CAST: variants seen among roughly 807,000 people sequenced by gnomAD.
CAST encodes MIR583 host.
CAST carries 76 observed loss-of-function variants against 119.6 expected under a neutral mutation model. The ratio of observed to expected loss-of-function variants is 0.64; its 90% confidence interval spans 0.53 to 0.77. The LOEUF (loss-of-function observed/expected upper bound fraction) is 0.77. Among genes scored for constraint, CAST ranks in the 30% least tolerant of loss-of-function variants. The pLI is 0.00. For synonymous variants in CAST, 319 were observed against 331.6 expected, an observed-to-expected ratio of 0.96 and a Z score of 0.41; for missense variants, 953 against 946.5, an observed-to-expected ratio of 1.01 and a Z score of -0.09.
rs1358882322 is a variant in CAST, at chr5:96,773,047, T to A, written c.*431T>A. On this transcript the variant is annotated 3_prime_UTR_variant, in exon 32 of 32. Transcript: ENST00000675179. ...TGTTAGTGTTTAGAAAACAATGTTT[T>A]AAACATTCTTCAGTGTTCTGATTTC... The A allele has an allele frequency of 6.5e-6, 1 of 153,906 alleles. No homozygotes were observed. Among genetic ancestry groups the A allele is most frequent in the Non-Finnish European group, 1.5e-5 (1 of 68,024 alleles). The allele number at this position is 153,906 out of a possible 1,614,324, so 9.5% of individuals were successfully genotyped here. A position where few individuals can be genotyped will look rare whatever the true frequency, so the allele number is the denominator to read the frequency against.
chr5:95,978,500 T>A, the CAST span, among the ~76,000 whole-genome samples: 84 of 152,344 alleles, frequency 5.5e-4, no homozygotes, highest in African/African-American at 2.0e-3. Context: ...GTGGTTGTTT[T>A]TTTTTCTTGT....
the CAST span, among the ~76,000 whole-genome samples, chr5:95,983,801 A>T: frequency 1.3e-5 from 2 of 152,106 alleles, no homozygotes; most frequent in Non-Finnish European, 2.9e-5. Flanking sequence ...AAGGGGGAAC[A>T]TTTTCTTTTC....
the CAST span, among the ~76,000 whole-genome samples, chr5:96,405,805 C>A: frequency 6.6e-6 from 1 of 152,214 alleles, no homozygotes; most frequent in Non-Finnish European, 1.5e-5. Flanking sequence ...ATTGGCATTA[C>A]TTCTGTTCAG....
intron 16 of CAST, among the ~76,000 whole-genome samples, chr5:96,744,258 A>G (rs1458364073): frequency 6.6e-6 from 1 of 152,226 alleles, no homozygotes; most frequent in Non-Finnish European, 1.5e-5. Flanking sequence ...TAATAAAGAC[A>G]TACCAGAGAC....
At position 96,741,549 on chromosome 5, in the gene CAST, C is replaced by T; in HGVS notation, c.1067C>T (p.Pro356Leu). The T allele has an allele frequency of 6.2e-7, 1 of 1,613,436 alleles. No homozygotes were observed. The highest frequency in any genetic ancestry group is 1.1e-5 in the South Asian group (1 of 91,032). The change falls in exon 15 of 32, where the codon CCA becomes CTA. Residue 356 changes from proline to leucine, a missense_variant. Coordinates refer to ENST00000675179, the MANE Select transcript of CAST (RefSeq NM_001750.7). ...GCAGGGACAGTCAGAAGTGCTGCTC[C>T]ACCCCAAGAGAAGAAAAGAAAGGTG... Reference protein sequence around the residue: ...QSAGTVRSAAPPQEKKRKVEK... With the variant: ...QSAGTVRSAALPQEKKRKVEK...
the CAST span, among the ~76,000 whole-genome samples, chr5:95,977,519 T>C: frequency 8.5e-5 from 13 of 152,250 alleles, no homozygotes; most frequent in African/African-American, 2.7e-4. Flanking sequence ...TGGAAAATAC[T>C]ATGGGAAAAC....
At chr5:96,467,340 C>G in the CAST span, among the ~76,000 whole-genome samples, 4 of 152,020 alleles carry the variant, frequency 2.6e-5, no homozygotes, top group South Asian at 8.3e-4. Context: ...TTGTTGCTAT[C>G]AAGTTTTTTT....
the CAST span, among the ~76,000 whole-genome samples, chr5:96,375,703 G>A: frequency 2.0e-5 from 3 of 151,468 alleles, no homozygotes; most frequent in African/African-American, 7.3e-5. Context: ...TGTATAATGT[G>A]GGTTGGCCTT....
the CAST span, among the ~76,000 whole-genome samples, chr5:96,109,515 C>G: frequency 6.6e-6 from 1 of 152,110 alleles, no homozygotes; most frequent in Non-Finnish European, 1.5e-5. Context: ...TTTACAAATG[C>G]TTTTTGGCAG....
chr5:96,185,944 A>G, the CAST span, among the ~76,000 whole-genome samples: 1 of 152,156 alleles, frequency 6.6e-6, no homozygotes, highest in South Asian at 2.1e-4. Context: ...TTGAAGCAGT[A>G]TGGCCATTTT....
intron 1 of CAST, among the ~76,000 whole-genome samples, chr5:96,583,226 T>C (rs1272151940): frequency 6.6e-6 from 1 of 152,070 alleles, no homozygotes; most frequent in East Asian, 1.9e-4. Flanking sequence ...TTTTTTTTTT[T>C]TTACTGTATT....
chr5:96,321,966 T>C, the CAST span, among the ~76,000 whole-genome samples: 47 of 152,232 alleles, frequency 3.1e-4, no homozygotes, highest in Admixed American at 2.8e-3. Context: ...TATTCACTGA[T>C]TACCTATCTG....
the CAST span, among the ~76,000 whole-genome samples, chr5:96,304,446 T>G: frequency 6.6e-6 from 1 of 152,248 alleles, no homozygotes; most frequent in Non-Finnish European, 1.5e-5. Context: ...AGAAGCTCTT[T>G]AGTTTAATTA....
At chr5:96,349,305 G>A in the CAST span, among the ~76,000 whole-genome samples, 2 of 151,798 alleles carry the variant, frequency 1.3e-5, no homozygotes, top group Middle Eastern at 3.4e-3. Flanking sequence ...ATATATTCAT[G>A]TTTGGGCATT....
intron 1 of CAST, among the ~76,000 whole-genome samples, chr5:96,640,018 A>G (rs1294869296): frequency 6.6e-6 from 1 of 152,218 alleles, no homozygotes; most frequent in Non-Finnish European, 1.5e-5. Flanking sequence ...CAGAAAAAAA[A>G]GAATCCTTAT....
the CAST span, among the ~76,000 whole-genome samples, chr5:96,478,234 G>T: frequency 6.6e-6 from 1 of 152,228 alleles, no homozygotes; most frequent in Non-Finnish European, 1.5e-5. Context: ...CCAATAGGGA[G>T]TGATAGTATC....
chr5:96,491,661 C>T, the CAST span, among the ~76,000 whole-genome samples: 11 of 151,932 alleles, frequency 7.2e-5, no homozygotes, highest in African/African-American at 2.4e-4. Context: ...AATTCCATCC[C>T]TAGATATATG....
At chr5:96,471,022 A>T in the CAST span, among the ~76,000 whole-genome samples, 2 of 152,110 alleles carry the variant, frequency 1.3e-5, no homozygotes, top group Admixed American at 1.3e-4. Flanking sequence ...TGGAGATAGG[A>T]CATTCCTTAC....
At chr5:95,974,641 T>C in the CAST span, among the ~76,000 whole-genome samples, 1 of 152,216 alleles carries the variant, frequency 6.6e-6, no homozygotes, top group Non-Finnish European at 1.5e-5. Context: ...CTTGAGGGGA[T>C]AGCTTCACAT....
Sources: gnomAD v4.1 joint callset for allele counts (sites outside exome capture counted in the v4.1 genomes callset) on GRCh38, gnomAD v4.1.1 for gene constraint, MANE v1.5 for transcripts, NCBI Gene and HGNC (gene_info 2026-07-23, HGNC 2026-07-21) for gene names.